The following CDH13 variants were observed in gnomAD, a reference collection of about 807,000 sequenced individuals.
CDH13 encodes the protein cadherin-13.
CDH13 carries 24 observed loss-of-function variants against 63.8 expected under a neutral mutation model. That is an observed-to-expected ratio of 0.38 (90% CI 0.27 to 0.53). CDH13 has a LOEUF of 0.53. CDH13 is among the 20% of genes least tolerant of loss of function. CDH13 has a pLI of 0.85. For synonymous variants in CDH13, 503 were observed against 355.3 expected (o/e 1.42, Z -4.67); for missense variants, 1,049 against 903.1 (o/e 1.16, Z -2.07).
At chr16:83,125,835 A>G (rs926668176) in intron 4 of CDH13, among the ~76,000 whole-genome samples, 8 of 152,180 alleles carry the variant, frequency 5.3e-5, no homozygotes, top group Admixed American at 4.6e-4. Flanking sequence ...CTAGGATGGT[A>G]GTATGTTGAC....
intron 2 of CDH13, among the ~76,000 whole-genome samples, chr16:82,938,048 A>C (rs1011449599): frequency 4.6e-5 from 7 of 152,236 alleles, no homozygotes; most frequent in African/African-American, 1.7e-4. Context: ...AAGAAGAAAA[A>C]GAAAAAGCAG....
intron 8 of CDH13, among the ~76,000 whole-genome samples, chr16:83,617,391 C>T (rs1275688784): frequency 6.6e-6 from 1 of 151,852 alleles, no homozygotes; most frequent in African/African-American, 2.4e-5. Context: ...ATGCACATAC[C>T]CTAATATGCA....
chr16:83,634,037 A>G (rs973114228), intron 8 of CDH13, among the ~76,000 whole-genome samples: 15 of 152,152 alleles, frequency 9.9e-5, no homozygotes, highest in African/African-American at 3.6e-4. Context: ...TAGTGCAACA[A>G]TACCAAGAGC....
chr16:83,222,773 T>C (rs927322835), intron 5 of CDH13, among the ~76,000 whole-genome samples: 32 of 152,240 alleles, frequency 2.1e-4, no homozygotes, highest in African/African-American at 7.7e-4. Context: ...AGGTAGCCAT[T>C]AGGATTGCCC....
intron 11 of CDH13, among the ~76,000 whole-genome samples, chr16:83,763,096 A>G (rs60270028): frequency 0.045 from 6,878 of 152,164 alleles, 556 homozygotes; most frequent in African/African-American, 0.16. Flanking sequence ...AGAACGGGGG[A>G]GTGATGGCTT....
At chr16:83,188,285 A>G (rs12448872) in intron 4 of CDH13, among the ~76,000 whole-genome samples, 5,640 of 152,262 alleles carry the variant, frequency 0.037, 212 homozygotes, top group South Asian at 0.11. Context: ...TCTAGAAGCA[A>G]TGGGGGCTTG....
At chr16:83,470,079 C>G (rs971063770) in intron 6 of CDH13, among the ~76,000 whole-genome samples, 1 of 152,180 alleles carries the variant, frequency 6.6e-6, no homozygotes, top group Non-Finnish European at 1.5e-5. Flanking sequence ...CTGTGCAGCT[C>G]TCCTGGGCTC....
chr16:83,128,853 G>C (rs2035924712), intron 4 of CDH13, among the ~76,000 whole-genome samples: 1 of 152,166 alleles, frequency 6.6e-6, no homozygotes, highest in Non-Finnish European at 1.5e-5. Context: ...GCCCATACTT[G>C]TTCTCAACTT....
In CDH13 at chr16:83,360,093, G is replaced by T. The variant is rs1220969020; in HGVS notation, c.781+15087G>T. Among the ~76,000 whole-genome samples, 3 of 152,212 alleles carry T rather than the reference G, an allele frequency of 2.0e-5. No homozygotes were observed. The East Asian group carries it at 5.8e-4, about 29-fold the overall frequency. On this transcript the variant is annotated intron_variant, in intron 6 of 13. Coordinates refer to ENST00000567109, the MANE Select transcript of CDH13 (RefSeq NM_001257.5). ...GTTGTTCAGGTTTCATCCATGTTCT[G>T]TGTAGCAGGTAACAGTACCTCCTTC... is the stretch of plus-strand genomic sequence containing the variant.
rs540590215 is a variant in CDH13 at position 83,380,936 on chromosome 16, C to G, written c.781+35930C>G. ...TGCCCTCATCCTCACTGCCCTCCCTCCCTTCTCAGAGGAAGGCACTCTCTT... is the reference window on the plus strand; with the variant it reads ...TGCCCTCATCCTCACTGCCCTCCCTGCCTTCTCAGAGGAAGGCACTCTCTT... On this transcript the variant is annotated intron_variant, in intron 6 of 13. Transcript: ENST00000567109. Among the ~76,000 whole-genome samples, 14 of 152,202 alleles carry G rather than the reference C, an allele frequency of 9.2e-5. No homozygotes were observed. The South Asian group carries it at 2.9e-3, about 32-fold the overall frequency.
At chr16:82,996,714 A>T (rs1420438958) in intron 2 of CDH13, among the ~76,000 whole-genome samples, 1 of 152,096 alleles carries the variant, frequency 6.6e-6, no homozygotes, top group Non-Finnish European at 1.5e-5. Context: ...AATGAGAGTG[A>T]TGATGATGAT....
chr16:82,955,297 G>C (rs771563291), intron 2 of CDH13, among the ~76,000 whole-genome samples: 1 of 152,186 alleles, frequency 6.6e-6, no homozygotes, highest in Non-Finnish European at 1.5e-5. Flanking sequence ...ATCAGCATCA[G>C]GCACTTGCAG....
At chr16:82,947,807 G>T (rs1298226981) in intron 2 of CDH13, among the ~76,000 whole-genome samples, 1 of 151,832 alleles carries the variant, frequency 6.6e-6, no homozygotes, top group Non-Finnish European at 1.5e-5. Flanking sequence ...TCCTCAAGTG[G>T]AATTTTATGA....
intron 2 of CDH13, among the ~76,000 whole-genome samples, chr16:82,864,382 C>G (rs1474915755): frequency 6.6e-6 from 1 of 152,054 alleles, no homozygotes; most frequent in Non-Finnish European, 1.5e-5. Context: ...GTAATTTATA[C>G]AGAAAAGAGG....
intron 2 of CDH13, among the ~76,000 whole-genome samples, chr16:82,952,210 G>A (rs1905392982): frequency 6.6e-6 from 1 of 152,194 alleles, no homozygotes; most frequent in Admixed American, 6.5e-5. Flanking sequence ...TGCTGCCCGA[G>A]AAGCGCATGG....
intron 2 of CDH13, among the ~76,000 whole-genome samples, chr16:82,864,554 G>A (rs529159498): frequency 3.9e-5 from 6 of 152,148 alleles, no homozygotes; most frequent in African/African-American, 1.2e-4. Context: ...CATTTCTCAC[G>A]AGAACTCACT....
chr16:83,015,231 T>C (rs1397439778), intron 2 of CDH13, among the ~76,000 whole-genome samples: 2 of 151,960 alleles, frequency 1.3e-5, no homozygotes, highest in African/African-American at 4.8e-5. Flanking sequence ...CCATTTTTAA[T>C]TATTTTTGTA....
intron 2 of CDH13, among the ~76,000 whole-genome samples, chr16:82,907,893 C>T (rs1206544940): frequency 6.6e-6 from 1 of 152,150 alleles, no homozygotes; most frequent in Non-Finnish European, 1.5e-5. Context: ...AAACCATGGG[C>T]TGAGCCCTCC....
intron 1 of CDH13, among the ~76,000 whole-genome samples, chr16:82,628,827 T>C (rs959497319): frequency 6.6e-6 from 1 of 152,336 alleles, no homozygotes; most frequent in Non-Finnish European, 1.5e-5. Flanking sequence ...TTCAGACAGA[T>C]CCTTCCTGCC....
Sources: allele counts gnomAD v4.1 joint callset (sites outside exome capture counted in the v4.1 genomes callset), GRCh38; gene constraint gnomAD v4.1.1; transcripts MANE v1.5; gene names NCBI Gene and HGNC (gene_info 2026-07-23, HGNC 2026-07-21).